The following PCDHGB4 variants were observed in gnomAD, a reference collection of about 807,000 sequenced individuals.
PCDHGB4 encodes the protein protocadherin gamma-B4.
Under a neutral mutation model 60.5 loss-of-function variants are expected in PCDHGB4, and 38 were observed. That is an observed-to-expected ratio of 0.63 (90% CI 0.48 to 0.82). PCDHGB4 has a LOEUF of 0.82. PCDHGB4 is among the 40% of genes least tolerant of loss of function. PCDHGB4 has a pLI of 0.00. For missense variants in PCDHGB4, 1,109 were observed against 1,209.6 expected, an observed-to-expected ratio of 0.92 and a Z score of 1.23; for synonymous variants, 456 against 509.7, an observed-to-expected ratio of 0.89 and a Z score of 1.42.
intron 1 of PCDHGB4, chr5:141,394,886 C>CT: frequency 1.9e-6 from 3 of 1,613,890 alleles, no homozygotes; most frequent in Non-Finnish European, 2.5e-6. Context: ...GCCTTACACT[C>CT]TATCTCGTGG....
At chr5:141,479,561 G>A (rs1032137833) in intron 1 of PCDHGB4, 1 of 152,270 alleles carries the variant, frequency 6.6e-6, no homozygotes, top group African/African-American at 2.4e-5. Context: ...CTATCCAGTA[G>A]TGGGATGACA....
intron 1 of PCDHGB4, chr5:141,410,797 C>T: frequency 3.0e-6 from 2 of 675,992 alleles, no homozygotes; most frequent in South Asian, 3.2e-5. Flanking sequence ...TCATAAGTTG[C>T]TCTATCTTTT....
chr5:141,433,508 A>G (rs2097615565), intron 1 of PCDHGB4, among the ~76,000 whole-genome samples: 1 of 152,068 alleles, frequency 6.6e-6, no homozygotes, highest in Non-Finnish European at 1.5e-5. Context: ...TGCTGGGATT[A>G]CAGGCGTGAA....
In PCDHGB4 at chr5:141,485,869, G is replaced by A; in HGVS notation, c.2398-8938G>A. On this transcript the variant is annotated intron_variant, in intron 1 of 3. Coordinates refer to ENST00000519479, the MANE Select transcript of PCDHGB4 (RefSeq NM_003736.4). The surrounding 1 kb of genome is among the most constrained non-coding windows in gnomAD (Gnocchi z 5.7). ...GCACCGCAGAGCTCCGGGTATCCGT[G>A]CTGGACGTAAACGACAACGCCCCAG... is the stretch of plus-strand genomic sequence containing the variant. 1 of 1,614,176 alleles carries A rather than the reference G, an allele frequency of 6.2e-7. No individual in the cohort carries two copies. The highest frequency in any genetic ancestry group is 8.5e-7 in the Non-Finnish European group (1 of 1,180,040).
At chr5:141,501,308 C>T (rs1220463692) in intron 2 of PCDHGB4, among the ~76,000 whole-genome samples, 2 of 151,492 alleles carry the variant, frequency 1.3e-5, no homozygotes, top group African/African-American at 2.4e-5. Context: ...CACACACACA[C>T]ACACACACAC....
In PCDHGB4 at chr5:141,486,056, C is replaced by T; in HGVS notation, c.2398-8751C>T. 6.2e-7 allele frequency: 1 copy of T among 1,614,170 alleles called. No homozygotes were observed. The highest frequency in any genetic ancestry group is 8.5e-7 in the Non-Finnish European group (1 of 1,180,026). ...TGATCGTGTAAGAAACCTCTTTAGC[C>T]TGCACCCCACTACTGGAAAGCTTAC... On this transcript the variant is annotated intron_variant, in intron 1 of 3. Transcript: ENST00000519479. The surrounding 1 kb of genome is among the most constrained non-coding windows in gnomAD (Gnocchi z 5.0).
intron 1 of PCDHGB4, chr5:141,415,851 T>A: frequency 8.1e-7 from 1 of 1,228,614 alleles, no homozygotes; most frequent in Non-Finnish European, 1.1e-6. Flanking sequence ...TTGCAGAACC[T>A]TGTAGTTTAT....
rs1186225096 is a variant in PCDHGB4, at chr5:141,490,605, C to G, written c.2398-4202C>G. The G allele has an allele frequency of 1.1e-5, 18 of 1,614,198 alleles. No homozygotes were observed. Among genetic ancestry groups the G allele is most frequent in the Non-Finnish European group, 1.5e-5 (18 of 1,180,030 alleles). On this transcript the variant is annotated intron_variant, in intron 1 of 3. Transcript: ENST00000519479. The surrounding 1 kb of genome is among the most constrained non-coding windows in gnomAD (Gnocchi z 5.4). ...TCAATGACAATGCACCCCGCTTCAACCAGCAGCTTTACACTGCTTACATCC... is the reference window on the plus strand; with the variant it reads ...TCAATGACAATGCACCCCGCTTCAAGCAGCAGCTTTACACTGCTTACATCC...
intron 1 of PCDHGB4, among the ~76,000 whole-genome samples, chr5:141,481,692 G>T (rs1231630072): frequency 6.6e-6 from 1 of 152,020 alleles, no homozygotes; most frequent in African/African-American, 2.4e-5. Context: ...GGTGGCTCAC[G>T]CCTGTAATCC....
chr5:141,460,614 G>A (rs10058360), intron 1 of PCDHGB4, among the ~76,000 whole-genome samples: 42,418 of 151,914 alleles, frequency 0.28, 6,648 homozygotes, highest in African/African-American at 0.43. Flanking sequence ...TAGATGGATA[G>A]ATAGACAGAT....
chr5:141,443,166 C>T (rs914863821), intron 1 of PCDHGB4, among the ~76,000 whole-genome samples: 2 of 152,124 alleles, frequency 1.3e-5, no homozygotes, highest in African/African-American at 4.8e-5. Context: ...ATTTCCCTAC[C>T]CATGTCCACT....
intron 1 of PCDHGB4, chr5:141,408,367 G>T: frequency 6.2e-7 from 1 of 1,613,998 alleles, no homozygotes; most frequent in Non-Finnish European, 8.5e-7. Context: ...AGGATCTAGG[G>T]CTCAGTGTCC....
At position 141,490,852 on chromosome 5, in the gene PCDHGB4, G is replaced by A. The variant is rs759198428; in HGVS notation, c.2398-3955G>A. 2 of 1,613,896 alleles carry A rather than the reference G, an allele frequency of 1.2e-6. No individual in the cohort carries two copies. Among genetic ancestry groups the A allele is most frequent in the Non-Finnish European group, 1.7e-6 (2 of 1,179,928 alleles). ...GCTGCAGATTGTGGTGGGGGTTCGA[G>A]ACTCCGGCTCTCCCCCATTGCATGC... On this transcript the variant is annotated intron_variant, in intron 1 of 3. Transcript: ENST00000519479. The surrounding 1 kb of genome is among the most constrained non-coding windows in gnomAD (Gnocchi z 5.4).
At chr5:141,447,084 T>A (rs2098525776) in intron 1 of PCDHGB4, among the ~76,000 whole-genome samples, 1 of 152,186 alleles carries the variant, frequency 6.6e-6, no homozygotes, top group Non-Finnish European at 1.5e-5. Flanking sequence ...TTTTGTTGTT[T>A]AATTTTCTTT....
chr5:141,409,045 C>T (rs1228603483), intron 1 of PCDHGB4: 1 of 1,613,878 alleles, frequency 6.2e-7, no homozygotes, highest in Non-Finnish European at 8.5e-7. Flanking sequence ...ACTACTACTT[C>T]CGAAGCACTG....
intron 1 of PCDHGB4, among the ~76,000 whole-genome samples, chr5:141,483,889 CT>C (rs1298469461): frequency 6.6e-6 from 1 of 151,866 alleles, no homozygotes; most frequent in Admixed American, 6.6e-5. Flanking sequence ...TTCTATTTCT[CT>C]GAGCTCTGGT....
Position 141,432,224 on chromosome 5 carries a change from T to C in PCDHGB4, c.2397+41943T>C. On this transcript the variant is annotated intron_variant, in intron 1 of 3. Transcript: ENST00000519479. The surrounding 1 kb of genome is among the most constrained non-coding windows in gnomAD (Gnocchi z 6.0). The stretch of plus-strand genomic sequence containing the variant: ...CTGTGAAGAGAACGCCCAGATCACT[T>C]ATTCCCTGGCTGAGAACACCATCCA... 6.2e-7 allele frequency: 1 copy of C among 1,614,138 alleles called. No homozygotes were observed. Among genetic ancestry groups the C allele is most frequent in the Non-Finnish European group, 8.5e-7 (1 of 1,180,024 alleles).
chr5:141,465,210 AT>A (rs1374516492), intron 1 of PCDHGB4, among the ~76,000 whole-genome samples: 4 of 152,032 alleles, frequency 2.6e-5, no homozygotes, highest in African/African-American at 9.7e-5. Flanking sequence ...TATAAGCTTT[AT>A]TTTTCAACAT....
intron 1 of PCDHGB4, 137 bp downstream of exon 1, chr5:141,390,418 A>C (rs2092141411): frequency 9.1e-7 from 1 of 1,099,654 alleles, no homozygotes; most frequent in African/African-American, 1.6e-5. Context: ...TAGTCAGTTA[A>C]AAAGCTGTCA....
Sources: gnomAD v4.1 joint callset for allele counts (sites outside exome capture counted in the v4.1 genomes callset) on GRCh38, gnomAD v4.1.1 for gene constraint, Gnocchi (gnomAD v3.1) non-coding constraint, MANE v1.5 for transcripts, NCBI Gene and HGNC (gene_info 2026-07-23, HGNC 2026-07-21) for gene names.